Variants in TPRG1 observed in about 807,000 individuals in gnomAD.
The protein encoded by TPRG1 is tumor protein p63-regulated gene 1 protein.
In TPRG1, 29 loss-of-function variants were observed where a neutral mutation model predicts 29.3. That is an observed-to-expected ratio of 0.99 (90% CI 0.74 to 1.35). TPRG1 has a LOEUF of 1.35. Among genes scored for constraint, TPRG1 ranks in the 40% most tolerant of loss-of-function variants. TPRG1 has a pLI of 0.00. For synonymous variants in TPRG1, 130 were observed against 116.8 expected (o/e 1.11, Z -0.73); for missense variants, 327 against 335.0 (o/e 0.98, Z 0.19).
intron 3 of TPRG1, among the ~76,000 whole-genome samples, chr3:189,021,454 T>C (rs1713303858): frequency 6.6e-6 from 1 of 152,164 alleles, no homozygotes; most frequent in Non-Finnish European, 1.5e-5. Context: ...CGGCATTTGC[T>C]TGTCTGTAAA....
chr3:189,224,931 CTTTT>C (rs139957231), intron 3 of TPRG1, among the ~76,000 whole-genome samples: 3 of 126,974 alleles, frequency 2.4e-5, no homozygotes, highest in Middle Eastern at 3.5e-3. Context: ...CTTCCTTTTT[CTTTT>C]TTTTTTTTTT....
intron 1 of TPRG1, among the ~76,000 whole-genome samples, chr3:189,182,959 T>C (rs1238796716): frequency 6.6e-6 from 1 of 152,184 alleles, no homozygotes; most frequent in African/African-American, 2.4e-5. Context: ...TGAGAACATG[T>C]AAGATCTATT....
At chr3:189,201,371 C>T (rs1170866954) in intron 1 of TPRG1, among the ~76,000 whole-genome samples, 1 of 152,140 alleles carries the variant, frequency 6.6e-6, no homozygotes, top group African/African-American at 2.4e-5. Context: ...TCCCGTGTGA[C>T]TTCTGGAGGT....
Position 189,288,449 on chromosome 3 carries a change from T to C in TPRG1, c.480-21937T>C, listed in dbSNP as rs80118066. Among the ~76,000 whole-genome samples, 1,171 of 152,344 alleles carry C rather than the reference T, an allele frequency of 7.7e-3. 17 individuals carry two copies. Among genetic ancestry groups the C allele is most frequent in the African/African-American group, 0.027 (1,130 of 41,586 alleles). ...CTATATATTAATACTATTCACCATC[T>C]AATTTTGGGATGATATGCTTGTTTT... On this transcript the variant is annotated intron_variant, in intron 4 of 5. Transcript: ENST00000345063.
intron 1 of TPRG1, among the ~76,000 whole-genome samples, chr3:189,188,028 G>A (rs1731185099): frequency 6.6e-6 from 1 of 152,146 alleles, no homozygotes. Context: ...CTGATTGGCT[G>A]AACTCCCAAA....
chr3:189,120,909 A>G (rs1002088909), intron 1 of TPRG1, among the ~76,000 whole-genome samples: 1 of 152,218 alleles, frequency 6.6e-6, no homozygotes, highest in African/African-American at 2.4e-5. Flanking sequence ...TTTCAGAGGA[A>G]TGTGCAGGAA....
intron 2 of TPRG1, among the ~76,000 whole-genome samples, chr3:189,128,637 A>G (rs1298490078): frequency 1.3e-5 from 2 of 152,186 alleles, no homozygotes; most frequent in Non-Finnish European, 2.9e-5. Context: ...TTGACCTCAT[A>G]TCAACAAAAT....
intron 3 of TPRG1, among the ~76,000 whole-genome samples, chr3:189,144,681 C>T (rs1477294119): frequency 6.6e-6 from 1 of 151,742 alleles, no homozygotes; most frequent in Non-Finnish European, 1.5e-5. Flanking sequence ...CAGATCATTA[C>T]ACAACTGATT....
chr3:189,312,596 C>A (rs780518294), intron 5 of TPRG1, among the ~76,000 whole-genome samples: 5 of 152,070 alleles, frequency 3.3e-5, no homozygotes, highest in Non-Finnish European at 7.4e-5. Context: ...CCTGAATGCC[C>A]TTTGCAGGAA....
At chr3:189,028,986 T>G (rs1713803495) in intron 4 of TPRG1, among the ~76,000 whole-genome samples, 1 of 151,872 alleles carries the variant, frequency 6.6e-6, no homozygotes, top group Admixed American at 6.6e-5. Flanking sequence ...AGTCATGGTC[T>G]ATTTCCTATT....
At chr3:189,277,301 C>T (rs1716328326) in intron 4 of TPRG1, among the ~76,000 whole-genome samples, 1 of 152,144 alleles carries the variant, frequency 6.6e-6, no homozygotes, top group African/African-American at 2.4e-5. Flanking sequence ...CTTAAACACA[C>T]ACATACGCAC....
chr3:189,156,746 CGTT>C, intron 5 of TPRG1, among the ~76,000 whole-genome samples: 1 of 152,250 alleles, frequency 6.6e-6, no homozygotes, highest in South Asian at 2.1e-4. Flanking sequence ...AGTATTTCCT[CGTT>C]GTTCTTTGAT....
intron 4 of TPRG1, among the ~76,000 whole-genome samples, chr3:189,283,977 C>A (rs1038037906): frequency 6.6e-6 from 1 of 152,072 alleles, no homozygotes; most frequent in African/African-American, 2.4e-5. Context: ...GAGACTTTTC[C>A]CTTGGCCTAT....
upstream of TPRG1, among the ~76,000 whole-genome samples, chr3:189,169,132 A>G (rs1032188853): frequency 1.3e-5 from 2 of 152,198 alleles, no homozygotes; most frequent in Admixed American, 6.5e-5. Flanking sequence ...ACTAGAGCTG[A>G]ATGAGAAGAG....
chr3:189,075,806 C>G (rs950542072), intron 4 of TPRG1, among the ~76,000 whole-genome samples: 2 of 152,178 alleles, frequency 1.3e-5, no homozygotes, highest in African/African-American at 4.8e-5. Context: ...CCCTTTTATG[C>G]ACGGGGATAA....
intron 4 of TPRG1, among the ~76,000 whole-genome samples, chr3:189,049,256 A>G (rs1244847991): frequency 1.3e-5 from 2 of 152,144 alleles, no homozygotes; most frequent in Non-Finnish European, 2.9e-5. Flanking sequence ...CAAGTTTTCA[A>G]GCCCCTCTCG....
At chr3:189,289,304 C>A (rs1436173779) in intron 4 of TPRG1, among the ~76,000 whole-genome samples, 1 of 152,154 alleles carries the variant, frequency 6.6e-6, no homozygotes, top group Admixed American at 6.6e-5. Context: ...TCCCCCCGAC[C>A]CCAAATCCAA....
At chr3:189,135,584 C>G (rs1443279454) in intron 3 of TPRG1, among the ~76,000 whole-genome samples, 2 of 152,206 alleles carry the variant, frequency 1.3e-5, no homozygotes, top group African/African-American at 4.8e-5. Flanking sequence ...CTTCATGCCC[C>G]CCTGCTATAT....
chr3:189,110,148 C>T (rs1242838828), intron 1 of TPRG1, among the ~76,000 whole-genome samples: 1 of 152,146 alleles, frequency 6.6e-6, no homozygotes, highest in Non-Finnish European at 1.5e-5. Context: ...GGGATTGCTG[C>T]ATTGTGTAGT....
Sources: gnomAD v4.1 joint callset for allele counts (sites outside exome capture counted in the v4.1 genomes callset) on GRCh38, gnomAD v4.1.1 for gene constraint, MANE v1.5 for transcripts, NCBI Gene and HGNC (gene_info 2026-07-23, HGNC 2026-07-21) for gene names.